Variants in MAP3K13 observed in about 807,000 individuals in gnomAD.
The protein encoded by MAP3K13 is leucine zipper-bearing kinase.
MAP3K13 carries 52 observed loss-of-function variants against 104.0 expected under a neutral mutation model. The ratio of observed to expected loss-of-function variants is 0.50; its 90% confidence interval spans 0.40 to 0.63. The LOEUF (loss-of-function observed/expected upper bound fraction) is 0.63, where lower values mean the gene tolerates loss of function less well. Ranked by LOEUF, MAP3K13 falls within the 20% of genes least tolerant of loss-of-function variation. The probability of loss-of-function intolerance (pLI) is 0.00; values close to 1 mark genes in which losing one functional copy is unlikely to be tolerated. For synonymous variants in MAP3K13, 394 were observed against 442.2 expected, an observed-to-expected ratio of 0.89 and a Z score of 1.37; for missense variants, 914 against 1,218.5, an observed-to-expected ratio of 0.75 and a Z score of 3.72.
Position 185,449,935 on chromosome 3 carries a change from G to A in MAP3K13, c.1046G>A (p.Gly349Glu), listed in dbSNP as rs749369724. Residue 349 changes from glycine (G) to glutamate (E), a missense_variant, in exon 6 of 14, where the codon GGA becomes GAA. Physicochemically the swap from Gly to Glu is moderately conservative, Grantham distance 98. Coordinates refer to ENST00000265026, the MANE Select transcript of MAP3K13 (RefSeq NM_004721.5). ...FGVVLWELLT[G>E]EIPYKDVDSS... ...GTGGTGCTTTGGGAGCTGCTGACAG[G>A]AGAGATCCCTTACAAAGATGTAGAT... The A allele has an allele frequency of 2.5e-6, 4 of 1,613,490 alleles. No individual in the cohort carries two copies. The highest frequency in any genetic ancestry group is 3.4e-6 in the Non-Finnish European group (4 of 1,179,742).
intron 2 of MAP3K13, among the ~76,000 whole-genome samples, chr3:185,321,460 A>G (rs1327879272): frequency 6.6e-6 from 1 of 152,268 alleles, no homozygotes; most frequent in Non-Finnish European, 1.5e-5. Flanking sequence ...ATGAGACTCA[A>G]TAGCAAAATA....
intron 7 of MAP3K13, 21 bp downstream of exon 7, chr3:185,451,416 C>G (rs756041737): frequency 2.7e-6 from 4 of 1,499,892 alleles, no homozygotes; most frequent in Admixed American, 3.3e-5. Flanking sequence ...AAACTTCCTA[C>G]CAGGTGCTAC....
intron 1 of MAP3K13, among the ~76,000 whole-genome samples, chr3:185,369,674 G>T (rs1421353788): frequency 6.6e-6 from 1 of 152,144 alleles, no homozygotes; most frequent in Non-Finnish European, 1.5e-5. Context: ...AGGCAATATT[G>T]AAAACACTTA....
At chr3:185,305,871 C>A (rs556338307) in intron 2 of MAP3K13, among the ~76,000 whole-genome samples, 1 of 152,170 alleles carries the variant, frequency 6.6e-6, no homozygotes, top group African/African-American at 2.4e-5. Context: ...GATCCTGTCA[C>A]CCAGGTAGTG....
At chr3:185,467,063 A>C (rs1041445866) in intron 10 of MAP3K13, 100 bp downstream of exon 10, 2 of 1,340,816 alleles carry the variant, frequency 1.5e-6, no homozygotes, top group Non-Finnish European at 2.1e-6. Flanking sequence ...TCTTTAGCTC[A>C]TCAGATGACT....
intron 9 of MAP3K13, among the ~76,000 whole-genome samples, chr3:185,466,499 C>G (rs1717438006): frequency 6.6e-6 from 1 of 151,396 alleles, no homozygotes; most frequent in Non-Finnish European, 1.5e-5. Context: ...GCCTCAGCCT[C>G]CTGAGTAGCT....
At chr3:185,436,273 A>G (rs1715025001) in intron 2 of MAP3K13, among the ~76,000 whole-genome samples, 2 of 152,246 alleles carry the variant, frequency 1.3e-5, no homozygotes, top group South Asian at 4.1e-4. Flanking sequence ...CACCACTTAG[A>G]AATGACCCTT....
chr3:185,418,505 A>G lies in MAP3K13; in HGVS notation c.-85-9992A>G. On this transcript the variant is annotated intron_variant, in intron 1 of 13. Transcript: ENST00000265026. This position sits in a 1 kb window ranked among gnomAD's most constrained non-coding sequence, Gnocchi z 4.5. ...CGGCCTCCACGACACATGTTTCCAA[A>G]AGCACCCTGGCCAGAGCGGTGAGTC... 6.2e-7 allele frequency: 1 copy of G among 1,611,930 alleles called. No individual in the cohort carries two copies. The highest frequency in any genetic ancestry group is 8.5e-7 in the Non-Finnish European group (1 of 1,179,834).
At chr3:185,314,639 A>T (rs1483325304) in intron 2 of MAP3K13, among the ~76,000 whole-genome samples, 2 of 151,874 alleles carry the variant, frequency 1.3e-5, no homozygotes, top group Non-Finnish European at 2.9e-5. Flanking sequence ...AAAAAAAAGA[A>T]ACAAGATCCC....
At chr3:185,426,231 C>G (rs758904809) in intron 1 of MAP3K13, among the ~76,000 whole-genome samples, 5 of 152,134 alleles carry the variant, frequency 3.3e-5, no homozygotes, top group African/African-American at 1.2e-4. Flanking sequence ...CAGGCATGCA[C>G]CACCATGCCC....
In MAP3K13 at chr3:185,454,880, T is replaced by TGATATATATATGAGATATATAC. The variant is rs1560117751; in HGVS notation, c.1278+3485_1278+3486insGATATATATATGAGATATATAC. On this transcript the variant is annotated intron_variant, in intron 7 of 13. Transcript: ENST00000265026. The stretch of plus-strand genomic sequence containing the variant: ...ACATGATATATATATGAGATATATA[T>TGATATATATATGAGATATATAC]ATGATATATATATGAGATATATATA... Among the ~76,000 whole-genome samples the TGATATATATATGAGATATATAC allele has an allele frequency of 2.7e-3, 143 of 53,624 alleles. 48 individuals carry two copies. The highest frequency in any genetic ancestry group is 5.7e-3 in the African/African-American group (66 of 11,482). The allele number at this position is 53,624 out of a possible 152,430, so 35.2% of individuals were successfully genotyped here. A position where few individuals can be genotyped will look rare whatever the true frequency, so the allele number is the denominator to read the frequency against.
chr3:185,401,633 T>A (rs1164832334), intron 1 of MAP3K13, among the ~76,000 whole-genome samples: 1 of 152,234 alleles, frequency 6.6e-6, no homozygotes, highest in Non-Finnish European at 1.5e-5. Flanking sequence ...TCCCTCTTTT[T>A]AAAATAATTG....
At chr3:185,308,041 C>T (rs6766132) in intron 2 of MAP3K13, among the ~76,000 whole-genome samples, 79,140 of 100,580 alleles carry the variant, frequency 0.79, 30,637 homozygotes, top group Non-Finnish European at 0.83. Flanking sequence ...TTGAGACTTA[C>T]TTTGTTCCCT....
intron 2 of MAP3K13, among the ~76,000 whole-genome samples, chr3:185,321,169 G>A (rs1308545567): frequency 9.3e-5 from 14 of 149,968 alleles, no homozygotes; most frequent in South Asian, 4.2e-4. Context: ...ACACATATGC[G>A]TGCACACACA....
intron 2 of MAP3K13, among the ~76,000 whole-genome samples, chr3:185,286,163 A>G (rs968351707): frequency 2.0e-5 from 3 of 151,962 alleles, no homozygotes; most frequent in Non-Finnish European, 4.4e-5. Context: ...TTTAAAAAAA[A>G]TTTGTTAGGT....
chr3:185,449,107 C>T (rs968992864), intron 5 of MAP3K13, among the ~76,000 whole-genome samples: 1 of 152,112 alleles, frequency 6.6e-6, no homozygotes, highest in Non-Finnish European at 1.5e-5. Context: ...CGCAGTGGCT[C>T]ACACCTGTAA....
At chr3:185,453,050 G>A (rs897945201) in intron 7 of MAP3K13, among the ~76,000 whole-genome samples, 3 of 152,144 alleles carry the variant, frequency 2.0e-5, no homozygotes, top group African/African-American at 4.8e-5. Flanking sequence ...GGGTGCAAAT[G>A]TCATAAGGAT....
chr3:185,339,057 C>T (rs999082799), intron 2 of MAP3K13, among the ~76,000 whole-genome samples: 4 of 152,148 alleles, frequency 2.6e-5, no homozygotes, highest in African/African-American at 9.7e-5. Flanking sequence ...TGGTGGCTGA[C>T]ACCTATAATC....
At chr3:185,467,033 T>G in intron 10 of MAP3K13, 70 bp downstream of exon 10, 3 of 1,566,018 alleles carry the variant, frequency 1.9e-6, no homozygotes, top group Non-Finnish European at 2.6e-6. Context: ...CATTCTCACA[T>G]GATGGCGGAT....
Sources: gnomAD v4.1 joint callset for allele counts (sites outside exome capture counted in the v4.1 genomes callset) on GRCh38, gnomAD v4.1.1 for gene constraint, Gnocchi (gnomAD v3.1) non-coding constraint, MANE v1.5 for transcripts, NCBI Gene and HGNC (gene_info 2026-07-23, HGNC 2026-07-21) for gene names.